Variants in DCP1B observed in about 807,000 individuals in gnomAD.
The protein encoded by DCP1B is decapping mRNA 1B.
Under a neutral mutation model 60.5 loss-of-function variants are expected in DCP1B, and 47 were observed. The ratio of observed to expected loss-of-function variants is 0.78; its 90% CI spans 0.61 to 0.99. The LOEUF (loss-of-function observed/expected upper bound fraction) is 0.99, where lower values mean the gene tolerates loss of function less well. Among genes scored for constraint, DCP1B ranks in the 50% least tolerant of loss-of-function variants. The pLI is 0.00. For missense variants in DCP1B, 725 were observed against 756.8 expected (o/e 0.96, Z 0.49); for synonymous variants, 267 against 280.3 (o/e 0.95, Z 0.47).
At chr12:1,994,588 T>C (rs530807716) in intron 2 of DCP1B, among the ~76,000 whole-genome samples, 4 of 152,280 alleles carry the variant, frequency 2.6e-5, no homozygotes, top group Non-Finnish European at 4.4e-5. Context: ...AAGAGCTCTG[T>C]TAGGGGTCTT....
Position 2,004,354 on chromosome 12 carries a change from G to A in DCP1B, c.78C>T (p.Pro26=), listed in dbSNP as rs2042924658. The A allele has an allele frequency of 6.2e-7, 1 of 1,613,184 alleles. No homozygotes were observed. The highest frequency in any genetic ancestry group is 1.3e-5 in the African/African-American group (1 of 74,946). The part of the protein sequence containing the change: ...ISLAALQRHD[P]YINRIVDVAS... ...CCACGTCCACGATGCGGTTGATATA[G>A]GGGTCGTGGCGCTGCAGGGCCGCTA... The change falls in exon 1 of 9, where the codon CCC becomes CCT. Residue 26 remains proline (P), a synonymous_variant. Transcript: ENST00000280665.
At chr12:1,961,866 G>A (rs1191768882) in intron 5 of DCP1B, among the ~76,000 whole-genome samples, 1 of 152,210 alleles carries the variant, frequency 6.6e-6, no homozygotes, top group African/African-American at 2.4e-5. Context: ...CCGTATATGA[G>A]TGTTTCTGAG....
In DCP1B at chr12:1,969,047, T is replaced by G. The variant is rs1439812343; in HGVS notation, c.320-1137A>C. Among the ~76,000 whole-genome samples the G allele has an allele frequency of 7.9e-5, 12 of 152,298 alleles. No homozygotes were observed. The East Asian group carries it at 2.3e-3, about 29-fold the overall frequency. Reference sequence around the variant, plus strand: ...TAACTACACACACATTTAAAACATCTTCACTGAAAACAGCAGCAATATTAC... The same window carrying G: ...TAACTACACACACATTTAAAACATCGTCACTGAAAACAGCAGCAATATTAC... On this transcript the variant is annotated intron_variant, in intron 3 of 8. Transcript: ENST00000280665.
chr12:1,952,799 C>T lies in DCP1B; in HGVS notation c.1141G>A (p.Ala381Thr). The change falls in exon 7 of 9, where the codon GCC (alanine) becomes ACC (threonine). Residue 381 changes from alanine to threonine, a missense_variant. By Grantham distance (58) the Ala-to-Thr change is moderately conservative. Coordinates refer to ENST00000280665, the MANE Select transcript of DCP1B (RefSeq NM_152640.5). ...PSTPAPASSA[A>T]LNRSRAPTSV... is the part of the protein sequence containing the mutation. ...GTGGGAGCTCTGCTGCGGTTCAGGG[C>T]AGCTGAGCTGGCAGGTGCTGGTGTA... 1 of 1,614,210 alleles carries T rather than the reference C, an allele frequency of 6.2e-7. No individual in the cohort carries two copies.
intron 2 of DCP1B, among the ~76,000 whole-genome samples, chr12:1,996,652 AAAACAACAAAC>A (rs1565870463): frequency 5.1e-4 from 20 of 38,906 alleles, no homozygotes; most frequent in African/African-American, 1.4e-3. Flanking sequence ...AAAAAAAAAA[AAAACAACAAAC>A]TCTTCTAATG....
chr12:1,991,840 A>T (rs2039507309), intron 3 of DCP1B: 1 of 154,022 alleles, frequency 6.5e-6, no homozygotes, highest in Non-Finnish European at 1.4e-5. Flanking sequence ...ATAAGAATTT[A>T]AAATAAAATA....
chr12:1,993,096 A>T, intron 3 of DCP1B, 168 bp downstream of exon 3: 1 of 869,642 alleles, frequency 1.1e-6, no homozygotes, highest in Non-Finnish European at 2.0e-6. Flanking sequence ...GGAAGAATCT[A>T]TTCCATCATT....
At chr12:1,989,857 A>C (rs1419797822) in intron 3 of DCP1B, among the ~76,000 whole-genome samples, 1 of 152,254 alleles carries the variant, frequency 6.6e-6, no homozygotes, top group Non-Finnish European at 1.5e-5. Context: ...ACTATATGGG[A>C]ATATTACAAA....
intron 1 of DCP1B, among the ~76,000 whole-genome samples, chr12:2,003,903 C>T (rs905708266): frequency 2.0e-5 from 3 of 152,144 alleles, no homozygotes; most frequent in African/African-American, 7.2e-5. Flanking sequence ...GCTGTCCCTG[C>T]CTCCCCCATA....
chr12:1,984,998 T>C (rs112805969), intron 3 of DCP1B, among the ~76,000 whole-genome samples: 4,112 of 151,752 alleles, frequency 0.027, 93 homozygotes, highest in Middle Eastern at 0.054. Flanking sequence ...TTATCCTAGA[T>C]GTAACACAAT....
At chr12:1,997,227 G>C (rs2041146959) in intron 2 of DCP1B, among the ~76,000 whole-genome samples, 2 of 152,170 alleles carry the variant, frequency 1.3e-5, no homozygotes, top group African/African-American at 4.8e-5. Context: ...AGAGTCAGGG[G>C]TGGGAGAAAA....
chr12:1,951,630 C>T (rs1565760605), intron 7 of DCP1B, among the ~76,000 whole-genome samples: 1 of 152,096 alleles, frequency 6.6e-6, no homozygotes, highest in Non-Finnish European at 1.5e-5. Context: ...ACTGACGATA[C>T]AGAGAAAGAT....
intron 2 of DCP1B, 39 bp downstream of exon 2, chr12:1,997,896 T>G: frequency 6.6e-7 from 1 of 1,521,626 alleles, no homozygotes; most frequent in Non-Finnish European, 9.0e-7. Context: ...AAATATTATT[T>G]TGAAGATTAG....
rs117691136 is a variant in DCP1B, at chr12:2,000,413, T to G, written c.151-2438A>C. Among the ~76,000 whole-genome samples, 53 of 152,134 alleles carry G rather than the reference T, an allele frequency of 3.5e-4. 1 individual carries two copies. In the East Asian group the frequency reaches 7.0e-3, roughly 20 times the overall value. The stretch of plus-strand genomic sequence containing the variant: ...ATATATCAGCACACATAAAACTAAA[T>G]AGCTTCTGACTTGTTTCCTTTCTTC... On this transcript the variant is annotated intron_variant, in intron 1 of 8. Coordinates refer to ENST00000280665, the MANE Select transcript of DCP1B (RefSeq NM_152640.5).
In DCP1B at chr12:1,967,839, C is replaced by T. The variant is rs1565769943; in HGVS notation, c.386+5G>A. 2 of 1,611,436 alleles carry T rather than the reference C, an allele frequency of 1.2e-6. No individual in the cohort carries two copies. The highest frequency in any genetic ancestry group is 3.4e-5 in the Admixed American group (2 of 59,450). ...CTGAAAAATATTTAGCCTTTTAGTA[C>T]TTACTTTTTCATAAGCTCTGCAATT... On this transcript the variant is annotated splice_donor_5th_base_variant and intron_variant, in intron 4 of 8. Coordinates refer to ENST00000280665, the MANE Select transcript of DCP1B (RefSeq NM_152640.5).
At position 2,004,435 on chromosome 12, in the gene DCP1B, C is replaced by G. The variant is rs759729725; in HGVS notation, c.-4G>C. 6.2e-7 allele frequency: 1 copy of G among 1,606,784 alleles called. No homozygotes were observed. Among genetic ancestry groups the G allele is most frequent in the East Asian group, 2.2e-5 (1 of 44,828 alleles). On this transcript the variant is annotated 5_prime_UTR_variant, in exon 1 of 9. Coordinates refer to ENST00000280665, the MANE Select transcript of DCP1B (RefSeq NM_152640.5). Reference sequence around the variant, plus strand: ...CGCCTGCCGCCACGGCTGCCATCTTCCCTCCCTCCCAGACATAGGCACGGG... The same window carrying G: ...CGCCTGCCGCCACGGCTGCCATCTTGCCTCCCTCCCAGACATAGGCACGGG...
At chr12:1,949,832 C>G (rs976706227) in intron 7 of DCP1B, among the ~76,000 whole-genome samples, 1 of 152,202 alleles carries the variant, frequency 6.6e-6, no homozygotes, top group African/African-American at 2.4e-5. Flanking sequence ...GGGTCCACCC[C>G]TTCTGGGTCC....
rs747933832 is a variant in DCP1B at position 1,952,541 on chromosome 12, C to A, written c.1399G>T (p.Ala467Ser). ...QIVQQEQQLHASNRPALAAKF... is the reference protein window; with the variant it reads ...QIVQQEQQLHSSNRPALAAKF... ...GCGGCCAAGGCTGGCCGGTTAGAGG[C>A]ATGCAGCTGCTGCTCCTGCTGTACA... Residue 467 changes from alanine (A) to serine (S), a missense_variant, in exon 7 of 9, where the codon GCC becomes TCC. Transcript: ENST00000280665. 1.2e-6 allele frequency: 2 copies of A among 1,614,214 alleles called. No homozygotes were observed. The highest frequency in any genetic ancestry group is 8.5e-7 in the Non-Finnish European group (1 of 1,180,034).
At chr12:1,993,215 T>C in intron 3 of DCP1B, 49 bp downstream of exon 3, 3 of 1,613,652 alleles carry the variant, frequency 1.9e-6, no homozygotes, top group Middle Eastern at 1.7e-4. Flanking sequence ...TTTAAACACT[T>C]GGCCAAACTT....
Sources: allele counts gnomAD v4.1 joint callset (sites outside exome capture counted in the v4.1 genomes callset), GRCh38; gene constraint gnomAD v4.1.1; transcripts MANE v1.5; gene names NCBI Gene and HGNC (gene_info 2026-07-23, HGNC 2026-07-21).